Variants in PTPRG observed in about 807,000 individuals in gnomAD.
PTPRG encodes receptor-type tyrosine-protein phosphatase gamma.
In PTPRG, 102 loss-of-function variants were observed where a neutral mutation model predicts 165.3. The observed-to-expected ratio is 0.62, with a 90% CI of 0.53 to 0.73. The LOEUF is 0.73. Ranked by LOEUF, PTPRG falls within the 30% of genes least tolerant of loss-of-function variation. The pLI is 0.00. For missense variants in PTPRG, 1,866 were observed against 1,861.4 expected (o/e 1.00, Z -0.05); for synonymous variants, 675 against 669.5 (o/e 1.01, Z -0.13).
At chr3:61,575,079 G>A (rs1700145085) in intron 1 of PTPRG, among the ~76,000 whole-genome samples, 1 of 152,190 alleles carries the variant, frequency 6.6e-6, no homozygotes, top group South Asian at 2.1e-4. Flanking sequence ...AACCATAGCA[G>A]CGCATAACTT....
intron 2 of PTPRG, among the ~76,000 whole-genome samples, chr3:61,797,125 A>G (rs1401717543): frequency 1.3e-5 from 2 of 152,230 alleles, no homozygotes; most frequent in African/African-American, 4.8e-5. Context: ...TAAGATATTC[A>G]TCATGAGCTC....
chr3:61,683,409 A>G (rs1389283453), intron 1 of PTPRG, among the ~76,000 whole-genome samples: 2 of 151,388 alleles, frequency 1.3e-5, no homozygotes, highest in South Asian at 2.1e-4. Context: ...TGGAGGGTCA[A>G]TTTTCGATTC....
At chr3:62,098,565 A>G (rs1215905702) in intron 5 of PTPRG, among the ~76,000 whole-genome samples, 8 of 152,162 alleles carry the variant, frequency 5.3e-5, no homozygotes, top group Non-Finnish European at 1.2e-4. Context: ...TGGCCATTAA[A>G]AAAAACAGAG....
chr3:61,963,382 G>T (rs2040197287), intron 2 of PTPRG, among the ~76,000 whole-genome samples: 1 of 151,946 alleles, frequency 6.6e-6, no homozygotes, highest in Admixed American at 6.6e-5. Context: ...TGCAGTAAAA[G>T]ATATATATGG....
intron 2 of PTPRG, among the ~76,000 whole-genome samples, chr3:61,798,159 T>A (rs1016380050): frequency 6.6e-6 from 1 of 152,228 alleles, no homozygotes; most frequent in Non-Finnish European, 1.5e-5. Context: ...TCCACAAAGA[T>A]TAACCCTGCC....
intron 8 of PTPRG, among the ~76,000 whole-genome samples, chr3:62,187,443 T>C (rs1699690610): frequency 6.6e-6 from 1 of 152,200 alleles, no homozygotes; most frequent in Admixed American, 6.5e-5. Flanking sequence ...TTTTAAACAG[T>C]TGGAGAAAAA....
At position 61,687,164 on chromosome 3, in the gene PTPRG, GT is replaced by G. The variant is rs150411080; in HGVS notation, c.86-61713del. ...TCACTTCCAGCTGACAGGAAAAGAC[GT>G]AGGAAATCTTCACCAGATTTGAAGG... On this transcript the variant is annotated intron_variant, in intron 1 of 29. Transcript: ENST00000474889. Among the ~76,000 whole-genome samples, 1,157 of 152,252 alleles carry G rather than the reference GT, an allele frequency of 7.6e-3. 41 individuals are homozygous for G. The East Asian group carries it at 0.12, about 16-fold the overall frequency.
chr3:61,654,100 G>A (rs1702444063), intron 1 of PTPRG, among the ~76,000 whole-genome samples: 1 of 152,142 alleles, frequency 6.6e-6, no homozygotes, highest in Admixed American at 6.5e-5. Flanking sequence ...TCGGACCTCA[G>A]TTTACTCTTG....
At chr3:62,074,792 A>AGG (rs1454560027) in intron 4 of PTPRG, among the ~76,000 whole-genome samples, 1 of 152,160 alleles carries the variant, frequency 6.6e-6, no homozygotes, top group Non-Finnish European at 1.5e-5. Context: ...AGAATGTTGA[A>AGG]GGGAGGGCTC....
intron 2 of PTPRG, among the ~76,000 whole-genome samples, chr3:61,911,173 A>G (rs1394876268): frequency 6.6e-6 from 1 of 152,178 alleles, no homozygotes; most frequent in Non-Finnish European, 1.5e-5. Flanking sequence ...AATACTTATG[A>G]ACTGATACTT....
At chr3:62,046,029 C>G (rs765931894) in intron 4 of PTPRG, among the ~76,000 whole-genome samples, 3 of 152,230 alleles carry the variant, frequency 2.0e-5, no homozygotes, top group Non-Finnish European at 4.4e-5. Flanking sequence ...CCTTCTCTTC[C>G]CCCTGTGAGG....
chr3:61,950,545 A>G (rs1036487317), intron 2 of PTPRG, among the ~76,000 whole-genome samples: 1 of 151,784 alleles, frequency 6.6e-6, no homozygotes, highest in Non-Finnish European at 1.5e-5. Context: ...AGGAGCAGCA[A>G]CCATGCCTTA....
Position 62,271,585 on chromosome 3 carries a change from G to C in PTPRG, c.3182+30G>C, listed in dbSNP as rs943526218. ...GGTCTAGGATTCAACATGTGAAATA[G>C]ATGGGGCAGGGGACTTAGGCCTCAG... On this transcript the variant is annotated intron_variant, in intron 21 of 29. Transcript: ENST00000474889. This position sits in a 1 kb window ranked among gnomAD's most constrained non-coding sequence, Gnocchi z 4.1. 1 of 1,596,084 alleles carries C rather than the reference G, an allele frequency of 6.3e-7. No homozygotes were observed. Among genetic ancestry groups the C allele is most frequent in the Non-Finnish European group, 8.5e-7 (1 of 1,170,080 alleles).
intron 2 of PTPRG, among the ~76,000 whole-genome samples, chr3:61,976,385 C>G (rs1465594221): frequency 6.6e-6 from 1 of 152,070 alleles, no homozygotes; most frequent in Non-Finnish European, 1.5e-5. Flanking sequence ...TCCCTAGTTC[C>G]CAAGAGGTCT....
intron 4 of PTPRG, among the ~76,000 whole-genome samples, chr3:62,063,943 G>T (rs1456904835): frequency 6.6e-6 from 1 of 152,190 alleles, no homozygotes; most frequent in Non-Finnish European, 1.5e-5. Context: ...CACCCTGCGT[G>T]ATGTGGAGCT....
intron 2 of PTPRG, among the ~76,000 whole-genome samples, chr3:61,839,663 T>G (rs1279227643): frequency 6.6e-6 from 1 of 152,238 alleles, no homozygotes; most frequent in Admixed American, 6.5e-5. Context: ...GAAGTCTATT[T>G]TAAGGTTATA....
intron 7 of PTPRG, among the ~76,000 whole-genome samples, chr3:62,167,351 C>CG (rs1279650966): frequency 5.9e-5 from 9 of 152,058 alleles, no homozygotes; most frequent in Non-Finnish European, 8.8e-5. Context: ...ACTAGTATGT[C>CG]GGAAGATGCC....
intron 16 of PTPRG, among the ~76,000 whole-genome samples, chr3:62,259,739 T>C (rs939101480): frequency 6.6e-5 from 10 of 152,088 alleles, no homozygotes; most frequent in African/African-American, 2.4e-4. Context: ...TCTCCAAAGA[T>C]AGGTTAGTTT....
chr3:61,835,467 G>T (rs1036868223), intron 2 of PTPRG, among the ~76,000 whole-genome samples: 4 of 151,996 alleles, frequency 2.6e-5, no homozygotes, highest in African/African-American at 9.7e-5. Flanking sequence ...CTGAGTAGCT[G>T]GGATTACAGG....
Sources: gnomAD v4.1 joint callset for allele counts (sites outside exome capture counted in the v4.1 genomes callset) on GRCh38, gnomAD v4.1.1 for gene constraint, Gnocchi (gnomAD v3.1) non-coding constraint, MANE v1.5 for transcripts, NCBI Gene and HGNC (gene_info 2026-07-23, HGNC 2026-07-21) for gene names.